PCSK4: variants seen among roughly 807,000 people sequenced by gnomAD.
PCSK4 encodes the protein proprotein convertase subtilisin/kexin type 4.
A neutral mutation model predicts 80.3 loss-of-function variants in PCSK4; 64 were observed. The observed-to-expected ratio is 0.80, with a 90% CI of 0.65 to 0.98. PCSK4 has a LOEUF of 0.98. Among genes scored for constraint, PCSK4 ranks in the 50% least tolerant of loss-of-function variants. The pLI is 0.00. For missense variants in PCSK4, 1,213 were observed against 1,093.6 expected, an observed-to-expected ratio of 1.11 and a Z score of -1.54; for synonymous variants, 561 against 487.6, an observed-to-expected ratio of 1.15 and a Z score of -1.98.
exon 15 of PCSK4, chr19:1,481,771 T>A: frequency 1.3e-6 from 2 of 1,509,926 alleles, no homozygotes; most frequent in Non-Finnish European, 8.9e-7. Context: ...AGGTTCCAGC[T>A]GGCAGCCAGA....
Position 1,481,879 on chromosome 19 carries a change from G to A in PCSK4, c.2148C>T (p.Ala716=), listed in dbSNP as rs201450866. Residue 716 remains alanine, a synonymous_variant, in exon 15 of 15, where the codon GCC becomes GCT. Transcript: ENST00000300954. ...AGAGGACGGGGCCTCCGAGGGTCAC[G>A]GCCAGGAGGCTCAGCACCATGGCCG... The A allele has an allele frequency of 2.4e-5, 38 of 1,591,238 alleles. 1 individual carries two copies. In the East Asian group the frequency reaches 4.9e-4, roughly 21 times the overall value.
At chr19:1,482,700 T>C (rs2084363625) in intron 13 of PCSK4, 196 bp downstream of exon 13, 1 of 750,308 alleles carries the variant, frequency 1.3e-6, no homozygotes, top group Non-Finnish European at 2.1e-6. Flanking sequence ...ACATCTCCCG[T>C]GTTACCGCAC....
Position 1,483,776 on chromosome 19 carries a change from A to T in PCSK4, c.1274-9T>A, listed in dbSNP as rs1269431309. ...TCCGTAGTGATGGCTCACTGCGCGG[A>T]AGGGCAGCAGTCACTCGCCCCGTGG... On this transcript the variant is annotated splice_polypyrimidine_tract_variant and intron_variant, in intron 10 of 14. Transcript: ENST00000300954. 6.3e-7 allele frequency: 1 copy of T among 1,574,938 alleles called. No individual in the cohort carries two copies. Among genetic ancestry groups the T allele is most frequent in the Admixed American group, 1.7e-5 (1 of 57,990 alleles).
chr19:1,482,894 A>AAAC lies in PCSK4; in HGVS notation c.1696+1_1696+2insGTT. On this transcript the variant is annotated splice_donor_variant, in intron 13 of 14. Transcript: ENST00000300954. LOFTEE classifies it high-confidence loss of function. ...CCCACCACAGCCCCGCCCCGCCCTCACCCGTGTTGAAATAGTAGCCCTTGT... is the reference window on the plus strand; with the variant it reads ...CCCACCACAGCCCCGCCCCGCCCTCAAACCCCGTGTTGAAATAGTAGCCCTTGT... The AAAC allele has an allele frequency of 6.2e-7, 1 of 1,605,240 alleles. No homozygotes were observed. The highest frequency in any genetic ancestry group is 8.5e-7 in the Non-Finnish European group (1 of 1,175,252).
chr19:1,483,438 T>G (rs781031800), exon 12 of PCSK4: 3 of 1,596,452 alleles, frequency 1.9e-6, no homozygotes, highest in Non-Finnish European at 1.7e-6. Flanking sequence ...ACGTTTTCCC[T>G]GATGTAGATC....
At chr19:1,483,456 G>A (rs749452074) in exon 12 of PCSK4, 4 of 1,592,092 alleles carry the variant, frequency 2.5e-6, no homozygotes, top group Non-Finnish European at 3.4e-6. Flanking sequence ...ATCAGCGGCA[G>A]GATGGGGCTG....
intron 6 of PCSK4, 139 bp from the exon 7 acceptor site, chr19:1,487,452 G>T: frequency 1.0e-6 from 1 of 974,918 alleles, no homozygotes; most frequent in Non-Finnish European, 1.5e-6. Flanking sequence ...CATTCGTATT[G>T]GCTCAGCACC....
chr19:1,490,408 GC>G, upstream of PCSK4: 1 of 666,906 alleles, frequency 1.5e-6, no homozygotes, highest in Non-Finnish European at 2.4e-6. Flanking sequence ...CGCCGAGTGG[GC>G]CCAGGCGTCC....
rs745381487 is a variant in PCSK4 at position 1,482,443 on chromosome 19, C to T, written c.1729G>A (p.Gly577Arg). The T allele has an allele frequency of 2.5e-6, 4 of 1,607,756 alleles. No individual in the cohort carries two copies. The South Asian group carries it at 3.3e-5, about 13-fold the overall frequency. ...CGCGCTGTCATGTCCTCGGCCGTCC[C>T]ATAGAGCAGCAGCGTGTAGCGGTAC... The change falls in exon 14 of 15, where the codon GGG becomes AGG. Residue 577 changes from glycine (G) to arginine (R), a missense_variant. Coordinates refer to ENST00000300954, the Ensembl canonical transcript of PCSK4.
chr19:1,483,219 C>T (rs915269931), intron 12 of PCSK4, 65 bp downstream of exon 12: 3 of 1,432,060 alleles, frequency 2.1e-6, no homozygotes, highest in Non-Finnish European at 2.8e-6. Context: ...GAGGACACTC[C>T]GGGTAGATGG....
exon 15 of PCSK4, chr19:1,481,970 G>A (rs745590318): frequency 6.3e-7 from 1 of 1,595,002 alleles, no homozygotes; most frequent in Non-Finnish European, 8.5e-7. Flanking sequence ...GGGGGTGGTG[G>A]GTCCCATGCA....
intron 12 of PCSK4, 89 bp downstream of exon 12, chr19:1,483,195 T>C (rs1350970480): frequency 4.4e-6 from 6 of 1,355,794 alleles, no homozygotes; most frequent in African/African-American, 2.9e-5. Flanking sequence ...CCTATGGGCC[T>C]GGCCCCTCCC....
chr19:1,486,900 T>C (rs1354810901), exon 8 of PCSK4: 8 of 1,601,030 alleles, frequency 5.0e-6, no homozygotes, highest in Non-Finnish European at 6.8e-6. Flanking sequence ...GTGGTGAGGG[T>C]GGAGGCGCAG....
intron 2 of PCSK4, 141 bp downstream of exon 2, chr19:1,489,652 T>C (rs1226874483): frequency 2.8e-6 from 4 of 1,418,948 alleles, no homozygotes; most frequent in Non-Finnish European, 3.7e-6. Flanking sequence ...TCTTGCTGTA[T>C]AGACTTGGGG....
chr19:1,490,028 G>A (rs1241044334), intron 1 of PCSK4, 130 bp downstream of exon 1: 4 of 1,520,670 alleles, frequency 2.6e-6, no homozygotes, highest in Non-Finnish European at 3.5e-6. Context: ...AGCTGAGCTT[G>A]GCTGAGGCAG....
At chr19:1,483,191 G>C in intron 12 of PCSK4, 93 bp downstream of exon 12, 1 of 1,344,640 alleles carries the variant, frequency 7.4e-7, no homozygotes, top group Non-Finnish European at 9.9e-7. Context: ...GACTCCTATG[G>C]GCCTGGCCCC....
exon 10 of PCSK4, chr19:1,483,866 G>A: frequency 6.7e-7 from 1 of 1,497,964 alleles, no homozygotes; most frequent in Non-Finnish European, 8.8e-7. Context: ...TGGTCCTCCA[G>A]TCCTCGGCCT....
rs202047165 is a variant in PCSK4 at position 1,483,429 on chromosome 19, C to T, written c.1426G>A (p.Val476Ile). The change falls in exon 12 of 15, where the codon GTA (valine) becomes ATA (isoleucine). Residue 476 changes from valine (V) to isoleucine (I), a missense_variant. Coordinates refer to ENST00000300954, the Ensembl canonical transcript of PCSK4. Reference sequence around the variant, plus strand: ...TTGTGGAGGCCGGCGCAGGCCGATACGTTTTCCCTGATGTAGATCAGCGGC... The same window carrying T: ...TTGTGGAGGCCGGCGCAGGCCGATATGTTTTCCCTGATGTAGATCAGCGGC... 148 of 1,599,028 alleles carry T rather than the reference C, an allele frequency of 9.3e-5. No homozygotes were observed. Among genetic ancestry groups the T allele is most frequent in the Middle Eastern group, 3.3e-4 (2 of 6,050 alleles).
At chr19:1,482,992 T>C (rs1167579268) in exon 13 of PCSK4, 7 of 1,601,980 alleles carry the variant, frequency 4.4e-6, no homozygotes, top group Middle Eastern at 3.3e-4. Context: ...ACCCAGTTGT[T>C]GTAGCCTTCA....
Sources: gnomAD v4.1 joint callset for allele counts on GRCh38, gnomAD v4.1.1 for gene constraint, MANE v1.5 for transcripts, NCBI Gene and HGNC (gene_info 2026-07-23, HGNC 2026-07-21) for gene names.